The following TRIM67 variants were observed in gnomAD, a reference collection of about 807,000 sequenced individuals.
The protein encoded by TRIM67 is tripartite motif-containing protein 67.
TRIM67 carries 39 observed loss-of-function variants against 71.0 expected under a neutral mutation model. The ratio of observed to expected loss-of-function variants is 0.55; its 90% CI spans 0.43 to 0.72. The LOEUF (loss-of-function observed/expected upper bound fraction) is 0.72, where lower values mean the gene tolerates loss of function less well. Ranked by LOEUF, TRIM67 falls within the 30% of genes least tolerant of loss-of-function variation. The probability of loss-of-function intolerance (pLI) is 0.00; values close to 1 mark genes in which losing one functional copy is unlikely to be tolerated. For missense variants in TRIM67, 973 were observed against 1,079.2 expected, an observed-to-expected ratio of 0.90 and a Z score of 1.38; for synonymous variants, 481 against 473.9, an observed-to-expected ratio of 1.01 and a Z score of -0.19.
At chr1:231,207,379 C>T (rs1683735413) in intron 7 of TRIM67, among the ~76,000 whole-genome samples, 1 of 152,226 alleles carries the variant, frequency 6.6e-6, no homozygotes, top group African/African-American at 2.4e-5. Context: ...CACCTACCTG[C>T]AGCCTTTTAG....
chr1:231,174,722 G>GT lies in TRIM67; in HGVS notation c.1044+10715dup, dbSNP rs1478026552. Among the ~76,000 whole-genome samples, 5 of 152,310 alleles carry GT rather than the reference G, an allele frequency of 3.3e-5. No individual in the cohort carries two copies. The East Asian group carries it at 9.6e-4, about 29-fold the overall frequency. On this transcript the variant is annotated intron_variant, in intron 1 of 9. Transcript: ENST00000366653. ...TCTCTATCTTACCCAGGAAGAAAGA[G>GT]TTTTTTCATTTCCCTTCCCTCAGCT... is the stretch of plus-strand genomic sequence containing the variant.
chr1:231,188,343 A>G (rs1386030039), intron 1 of TRIM67, among the ~76,000 whole-genome samples: 1 of 152,204 alleles, frequency 6.6e-6, no homozygotes, highest in Non-Finnish European at 1.5e-5. Context: ...ACAGCTGCAC[A>G]TTTGAAATCC....
At chr1:231,187,752 C>T in intron 1 of TRIM67, 1 of 597,796 alleles carries the variant, frequency 1.7e-6, no homozygotes, top group South Asian at 2.1e-5. Flanking sequence ...GCCAGAGGGA[C>T]AGCGGGCAAG....
chr1:231,219,479 C>A lies in TRIM67; in HGVS notation c.*4039C>A, dbSNP rs1323858497. The A allele has an allele frequency of 7.0e-5, 74 of 1,054,714 alleles. 2 individuals are homozygous for A. The highest frequency in any genetic ancestry group is 6.9e-6 in the Non-Finnish European group (6 of 872,440). The allele number at this position is 1,054,714 out of a possible 1,614,324, so 65.3% of individuals were successfully genotyped here. A position where few individuals can be genotyped will look rare whatever the true frequency, so the allele number is the denominator to read the frequency against. On this transcript the variant is annotated 3_prime_UTR_variant, in exon 10 of 10. Transcript: ENST00000366653. ...GCCAGCCTTTATCTTGATACCCAAG[C>A]CCAGGATTTTCCATGTGTCTTCAGG...
chr1:231,205,454 G>A (rs1571899346), intron 6 of TRIM67, among the ~76,000 whole-genome samples: 1 of 152,272 alleles, frequency 6.6e-6, no homozygotes, highest in South Asian at 2.1e-4. Flanking sequence ...GGCCAGGCAC[G>A]GTGGCTCACA....
intron 1 of TRIM67, among the ~76,000 whole-genome samples, chr1:231,177,280 G>A (rs1429306492): frequency 4.6e-5 from 7 of 152,168 alleles, no homozygotes; most frequent in African/African-American, 7.2e-5. Context: ...ATAATTTGAC[G>A]ACAGAGAGAA....
chr1:231,170,036 G>A (rs1016166882), intron 1 of TRIM67, among the ~76,000 whole-genome samples: 3 of 137,822 alleles, frequency 2.2e-5, no homozygotes, highest in African/African-American at 9.4e-5. Context: ...GCCCAGGCTG[G>A]AGTGCAGTGG....
intron 9 of TRIM67, among the ~76,000 whole-genome samples, chr1:231,214,687 G>A (rs572979032): frequency 4.0e-5 from 6 of 150,894 alleles, no homozygotes; most frequent in Middle Eastern, 3.4e-3. Flanking sequence ...GCTGAGGTAG[G>A]AGAATGGCAT....
intron 8 of TRIM67, among the ~76,000 whole-genome samples, chr1:231,211,070 A>G (rs997368684): frequency 6.7e-6 from 1 of 149,418 alleles, no homozygotes; most frequent in Non-Finnish European, 1.5e-5. Context: ...TTTGTTTAAT[A>G]TATATATTAA....
chr1:231,178,074 T>C (rs1056243892), intron 1 of TRIM67, among the ~76,000 whole-genome samples: 1 of 152,120 alleles, frequency 6.6e-6, no homozygotes, highest in African/African-American at 2.4e-5. Flanking sequence ...CAGGGCCCCA[T>C]ATTGAAAAGA....
At chr1:231,206,183 T>C (rs1000895378) in intron 6 of TRIM67, among the ~76,000 whole-genome samples, 1 of 151,978 alleles carries the variant, frequency 6.6e-6, no homozygotes, top group Non-Finnish European at 1.5e-5. Flanking sequence ...ATCCCAGCAC[T>C]TTGGGAGGCC....
intron 5 of TRIM67, among the ~76,000 whole-genome samples, chr1:231,202,150 T>TGG (rs1683558377): frequency 2.3e-4 from 3 of 12,942 alleles, no homozygotes; most frequent in East Asian, 3.1e-3. Flanking sequence ...GAGGAAGAGG[T>TGG]AGCGGAGGAG....
chr1:231,176,955 A>C (rs1391925814), intron 1 of TRIM67, among the ~76,000 whole-genome samples: 1 of 148,122 alleles, frequency 6.8e-6, no homozygotes, highest in African/African-American at 2.5e-5. Flanking sequence ...TGCTCAGCTA[A>C]GTTAAGGGGC....
Position 231,218,420 on chromosome 1 carries a change from A to G in TRIM67, c.*2980A>G. On this transcript the variant is annotated 3_prime_UTR_variant, in exon 10 of 10. Transcript: ENST00000366653. ...ATTGCATTGTAAATAGTGCCTCTGT[A>G]ATGTGGTTCTGCAGTTGTTCTTTGC... The G allele has an allele frequency of 1.0e-6, 1 of 985,806 alleles. No individual in the cohort carries two copies. Among genetic ancestry groups the G allele is most frequent in the Non-Finnish European group, 1.2e-6 (1 of 830,210 alleles). 61.1% of individuals were successfully genotyped at this position (985,806 alleles called of 1,614,324 possible).
chr1:231,193,345 C>G (rs1034182059), intron 1 of TRIM67, among the ~76,000 whole-genome samples: 3 of 152,134 alleles, frequency 2.0e-5, no homozygotes, highest in Non-Finnish European at 4.4e-5. Context: ...ATGTTTGTGT[C>G]CCTTCCAAAT....
intron 1 of TRIM67, among the ~76,000 whole-genome samples, chr1:231,191,374 TC>T (rs1239745898): frequency 5.3e-5 from 8 of 152,164 alleles, no homozygotes; most frequent in Non-Finnish European, 1.2e-4. Context: ...CTGGAAGTTA[TC>T]TTTATTCTGG....
chr1:231,163,443 G>A lies in TRIM67; in HGVS notation c.474G>A (p.Thr158=). The A allele has an allele frequency of 6.5e-7, 1 of 1,539,742 alleles. No homozygotes were observed. Among genetic ancestry groups the A allele is most frequent in the Non-Finnish European group, 8.7e-7 (1 of 1,148,386 alleles). ...TGTCCTCGTCTTCGAGCTCCATCAC[G>A]TGCCCGCAGTGCCACCGCAGCGCAT... is the stretch of plus-strand genomic sequence containing the variant. ...SSLSSSSSSI[T]CPQCHRSASL... Residue 158 remains threonine (T), a synonymous_variant, in exon 1 of 10, where the codon ACG becomes ACA. Transcript: ENST00000366653.
chr1:231,187,955 G>A (rs948320119), intron 1 of TRIM67, among the ~76,000 whole-genome samples: 8 of 152,160 alleles, frequency 5.3e-5, no homozygotes, highest in Admixed American at 2.0e-4. Flanking sequence ...AGAAAAGCAA[G>A]TCCTGTTCTT....
rs1571863955 is a variant in TRIM67, at chr1:231,163,781, C to T, written c.812C>T (p.Ala271Val). Residue 271 changes from alanine (A) to valine (V), a missense_variant, in exon 1 of 10, where the codon GCC becomes GTC. Transcript: ENST00000366653. ...GCAGCCTCCGGGCCCACTGGCACCG[C>T]CCAGGGCGCCCCCAGCGGAGGCGGC... ...AEAASGPTGT[A>V]QGAPSGGGGC... The T allele has an allele frequency of 6.7e-6, 10 of 1,488,822 alleles. No homozygotes were observed. In the East Asian group the frequency reaches 2.8e-4, roughly 41 times the overall value. The allele number at this position is 1,488,822 out of a possible 1,614,324, so 92.2% of individuals were successfully genotyped here.
Sources: gnomAD v4.1 joint callset for allele counts (sites outside exome capture counted in the v4.1 genomes callset) on GRCh38, gnomAD v4.1.1 for gene constraint, MANE v1.5 for transcripts, NCBI Gene and HGNC (gene_info 2026-07-23, HGNC 2026-07-21) for gene names.